The following ASH1L variants were observed in gnomAD, a reference collection of about 807,000 sequenced individuals.
ASH1L encodes ASH1 like histone lysine methyltransferase.
A neutral mutation model predicts 269.0 loss-of-function variants in ASH1L; 23 were observed. The ratio of observed to expected loss-of-function variants is 0.09; its 90% CI spans 0.06 to 0.12. The LOEUF (loss-of-function observed/expected upper bound fraction) is 0.12, where lower values mean the gene tolerates loss of function less well. Ranked by LOEUF, ASH1L falls within the 10% of genes least tolerant of loss-of-function variation. The probability of loss-of-function intolerance (pLI) is 1.00; values close to 1 mark genes in which losing one functional copy is unlikely to be tolerated. For missense variants in ASH1L, 2,912 were observed against 3,567.8 expected (o/e 0.82, Z 4.68); for synonymous variants, 1,187 against 1,253.5 (o/e 0.95, Z 1.12).
chr1:155,474,203 C>A (rs1036622922), intron 3 of ASH1L, among the ~76,000 whole-genome samples: 2 of 152,146 alleles, frequency 1.3e-5, no homozygotes, highest in East Asian at 3.8e-4. Flanking sequence ...TAAAGTTGCA[C>A]AGGTTTTTGA....
chr1:155,513,243 T>C (rs1668287503), intron 2 of ASH1L, among the ~76,000 whole-genome samples: 1 of 151,960 alleles, frequency 6.6e-6, no homozygotes, highest in Admixed American at 6.6e-5. Context: ...GAAAACAGTA[T>C]GGTAATTCTT....
chr1:155,540,320 G>A (rs1460811949), intron 1 of ASH1L, among the ~76,000 whole-genome samples: 1 of 152,030 alleles, frequency 6.6e-6, no homozygotes, highest in Non-Finnish European at 1.5e-5. Flanking sequence ...TTGTTGTAAG[G>A]GTTCAATAAA....
intron 3 of ASH1L, among the ~76,000 whole-genome samples, chr1:155,474,987 A>C (rs1665423386): frequency 1.3e-5 from 2 of 152,174 alleles, no homozygotes. Flanking sequence ...CTTAATATAA[A>C]ATCCAAAATT....
intron 5 of ASH1L, among the ~76,000 whole-genome samples, chr1:155,423,019 C>G (rs1026051000): frequency 6.6e-6 from 1 of 150,476 alleles, no homozygotes; most frequent in South Asian, 2.1e-4. Flanking sequence ...GCGATCTCGG[C>G]TCTCTGTAAG....
Position 155,364,007 on chromosome 1 carries a change from C to T in ASH1L, c.6687-3598G>A, listed in dbSNP as rs541660970. The stretch of plus-strand genomic sequence containing the variant: ...AAAACAAAAAACCAAAAAAAGGTAT[C>T]TTCTGGCCGGGTGTTGTGGCTCATA... On this transcript the variant is annotated intron_variant, in intron 12 of 27. Coordinates refer to ENST00000392403, the MANE Select transcript of ASH1L (RefSeq NM_018489.3). 7.3e-5 allele frequency among the ~76,000 whole-genome samples: 11 copies of T among 150,860 alleles called. No homozygotes were observed. In the East Asian group the frequency reaches 2.2e-3, roughly 30 times the overall value.
intron 2 of ASH1L, among the ~76,000 whole-genome samples, chr1:155,508,002 CTT>C (rs762754026): frequency 3.7e-4 from 51 of 136,418 alleles, no homozygotes; most frequent in Admixed American, 4.4e-4. Context: ...GTATACTTGA[CTT>C]TTTTTTTTTT....
In ASH1L at chr1:155,478,930, C is replaced by T. The variant is rs1665760691; in HGVS notation, c.3940G>A (p.Asp1314Asn). The T allele has an allele frequency of 6.2e-7, 1 of 1,613,932 alleles. No homozygotes were observed. The highest frequency in any genetic ancestry group is 2.2e-5 in the East Asian group (1 of 44,880). ...THRSHHFIPRDLLPTIFRINF... is the reference protein window; with the variant it reads ...THRSHHFIPRNLLPTIFRINF... ...ATTCGAAAGATAGTTGGCAGAAGAT[C>T]TCGGGGGATAAAATGATGACTTCGA... is the stretch of plus-strand genomic sequence containing the variant. Residue 1314 changes from aspartate to asparagine, a missense_variant, in exon 3 of 28, where the codon GAT becomes AAT. Transcript: ENST00000392403. The surrounding 1 kb of genome is among the most constrained non-coding windows in gnomAD (Gnocchi z 4.6).
At chr1:155,496,333 ATC>A (rs2148780219) in intron 2 of ASH1L, among the ~76,000 whole-genome samples, 1 of 152,330 alleles carries the variant, frequency 6.6e-6, no homozygotes, top group East Asian at 1.9e-4. Flanking sequence ...CCAAAATGTG[ATC>A]TGTCATTGAT....
rs951520332 is a variant in ASH1L at position 155,524,721 on chromosome 1, T to C, written c.-99-3103A>G. The stretch of plus-strand genomic sequence containing the variant: ...GGTGTGTGGTGTCATGTGCCTATAA[T>C]CCCAGCCACTCAAGAGGCCGAGGTG... On this transcript the variant is annotated intron_variant, in intron 1 of 27. Coordinates refer to ENST00000392403, the MANE Select transcript of ASH1L (RefSeq NM_018489.3). Among the ~76,000 whole-genome samples, 3 of 151,642 alleles carry C rather than the reference T, an allele frequency of 2.0e-5. No individual in the cohort carries two copies. The Admixed American group carries it at 2.0e-4, about 10-fold the overall frequency.
intron 2 of ASH1L, among the ~76,000 whole-genome samples, chr1:155,493,766 T>C (rs1459137029): frequency 6.6e-6 from 1 of 152,096 alleles, no homozygotes; most frequent in Non-Finnish European, 1.5e-5. Flanking sequence ...CCCAGCTACT[T>C]GGCAGGCTGA....
chr1:155,426,570 C>G (rs1255384105), intron 5 of ASH1L, among the ~76,000 whole-genome samples: 1 of 152,116 alleles, frequency 6.6e-6, no homozygotes, highest in Non-Finnish European at 1.5e-5. Flanking sequence ...GAACTTCTGA[C>G]CTCAGGTGAT....
chr1:155,511,318 C>T (rs1164318287), intron 2 of ASH1L, among the ~76,000 whole-genome samples: 2 of 152,178 alleles, frequency 1.3e-5, no homozygotes, highest in South Asian at 2.1e-4. Context: ...ATCTTCACTA[C>T]ACTGAAACTA....
At chr1:155,548,931 T>C (rs1465608003) in intron 1 of ASH1L, among the ~76,000 whole-genome samples, 1 of 152,202 alleles carries the variant, frequency 6.6e-6, no homozygotes, top group Non-Finnish European at 1.5e-5. Flanking sequence ...TTTGTATCCA[T>C]GGGTTTCACA....
chr1:155,427,115 G>T (rs1027105229), intron 5 of ASH1L, among the ~76,000 whole-genome samples: 1 of 149,624 alleles, frequency 6.7e-6, no homozygotes. Flanking sequence ...ACCTTTCCAG[G>T]TATATACTCT....
At chr1:155,403,364 A>G (rs1659014205) in intron 6 of ASH1L, among the ~76,000 whole-genome samples, 2 of 152,180 alleles carry the variant, frequency 1.3e-5, no homozygotes, top group African/African-American at 4.8e-5. Context: ...AGTACTGTAG[A>G]AGCTAAGTAA....
At chr1:155,517,489 C>T in intron 2 of ASH1L, among the ~76,000 whole-genome samples, 1 of 151,912 alleles carries the variant, frequency 6.6e-6, no homozygotes, top group South Asian at 2.1e-4. Flanking sequence ...ACTAGCCGGG[C>T]GTGGTAGCAG....
chr1:155,545,841 T>G (rs544971340), intron 1 of ASH1L, among the ~76,000 whole-genome samples: 1 of 151,866 alleles, frequency 6.6e-6, no homozygotes, highest in East Asian at 1.9e-4. Flanking sequence ...GCCAACGTAG[T>G]GAAACCCCAT....
rs752898069 is a variant in ASH1L at position 155,478,645 on chromosome 1, A to G, written c.4225T>C (p.Tyr1409His). ...GYYGRYPPTLYPPPPSPSFTT... is the reference protein window; with the variant it reads ...GYYGRYPPTLHPPPPSPSFTT... ...AAAGAAGGAGATGGAGGAGGTGGAT[A>G]AAGAGTGGGAGGATACCTTCCATAG... The change falls in exon 3 of 28, where the codon TAT becomes CAT. Residue 1409 changes from tyrosine (Y) to histidine (H), a missense_variant. Around this residue, in one of 13 missense-constraint regions of ASH1L, gnomAD observed 789 missense variants for 897.6 expected, o/e 0.88. Coordinates refer to ENST00000392403, the MANE Select transcript of ASH1L (RefSeq NM_018489.3). This position sits in a 1 kb window ranked among gnomAD's most constrained non-coding sequence, Gnocchi z 4.6. 2 of 1,614,056 alleles carry G rather than the reference A, an allele frequency of 1.2e-6. No individual in the cohort carries two copies. Among genetic ancestry groups the G allele is most frequent in the Non-Finnish European group, 1.7e-6 (2 of 1,180,018 alleles).
intron 4 of ASH1L, among the ~76,000 whole-genome samples, chr1:155,446,181 G>C (rs1264037520): frequency 6.6e-6 from 1 of 151,256 alleles, no homozygotes; most frequent in East Asian, 1.9e-4. Flanking sequence ...ACCGCACCCG[G>C]CCACTGTACT....
Sources: gnomAD v4.1 joint callset for allele counts (sites outside exome capture counted in the v4.1 genomes callset) on GRCh38, gnomAD v4.1.1 for gene constraint, gnomAD v4.1.1 regional missense constraint, Gnocchi (gnomAD v3.1) non-coding constraint, MANE v1.5 for transcripts, NCBI Gene and HGNC (gene_info 2026-07-23, HGNC 2026-07-21) for gene names.